The following ZSWIM8 variants were observed in gnomAD, a reference collection of about 807,000 sequenced individuals.
ZSWIM8 encodes the protein zinc finger SWIM domain-containing protein 8.
Under a neutral mutation model 173.7 loss-of-function variants are expected in ZSWIM8, and 27 were observed. That is an observed-to-expected ratio of 0.16 (90% CI 0.11 to 0.21). The LOEUF (loss-of-function observed/expected upper bound fraction) is 0.21. Among genes scored for constraint, ZSWIM8 ranks in the 10% least tolerant of loss-of-function variants. The pLI, the probability that ZSWIM8 is intolerant of heterozygous loss-of-function variation, is 1.00. For synonymous variants in ZSWIM8, 958 were observed against 962.0 expected, an observed-to-expected ratio of 1.00 and a Z score of 0.08; for missense variants, 1,627 against 2,428.8, an observed-to-expected ratio of 0.67 and a Z score of 6.94.
rs767495122 is a variant in ZSWIM8, at chr10:73,785,844, C to CG, written c.-27dup. 1.1e-3 allele frequency: 1,515 copies of CG among 1,427,226 alleles called. No individual in the cohort carries two copies. The highest frequency in any genetic ancestry group is 3.3e-3 in the Admixed American group (127 of 38,614). The allele number at this position is 1,427,226 out of a possible 1,614,324, so 88.4% of individuals were successfully genotyped here. A position where few individuals can be genotyped will look rare whatever the true frequency, so the allele number is the denominator to read the frequency against. On this transcript the variant is annotated 5_prime_UTR_variant, in exon 1 of 26. Coordinates refer to ENST00000604729, the MANE Select transcript of ZSWIM8 (RefSeq NM_001367799.1). ...GCCGGCGGCCCAGGCCCCGGATCCG[C>CG]GGGGGGGGACCCGGCCCCGGGGGGT...
At chr10:73,787,948 G>A (rs2083283520) in intron 1 of ZSWIM8, among the ~76,000 whole-genome samples, 1 of 152,156 alleles carries the variant, frequency 6.6e-6, no homozygotes, top group Admixed American at 6.5e-5. Flanking sequence ...CTATTAATGT[G>A]ACTAGCAATT....
At position 73,797,625 on chromosome 10, in the gene ZSWIM8, C is replaced by G. The variant is rs754016807; in HGVS notation, c.3662+20C>G. On this transcript the variant is annotated intron_variant, in intron 18 of 25. Coordinates refer to ENST00000604729, the MANE Select transcript of ZSWIM8 (RefSeq NM_001367799.1). The surrounding 1 kb of genome is among the most constrained non-coding windows in gnomAD (Gnocchi z 5.6). ...TGGCAGGTCAGTGGGAAGAACTCCC[C>G]ATCTTCCCTGATCTGGCCCACCCTC... 6.2e-7 allele frequency: 1 copy of G among 1,611,398 alleles called. No homozygotes were observed. Among genetic ancestry groups the G allele is most frequent in the East Asian group, 2.2e-5 (1 of 44,856 alleles).
chr10:73,792,396 C>G lies in ZSWIM8; in HGVS notation c.1857C>G (p.Ala619=), dbSNP rs569453975. Residue 619 remains alanine, a synonymous_variant, in exon 10 of 26, where the codon GCC becomes GCG. Transcript: ENST00000604729. This position sits in a 1 kb window ranked among gnomAD's most constrained non-coding sequence, Gnocchi z 4.3. The part of the protein sequence containing the change: ...SEDSSLEPDL[A]EMSLDDSSLA... Reference sequence around the variant, plus strand: ...ACAGCTCCCTGGAGCCAGACCTGGCCGAGATGAGCCTGGATGACAGCAGCC... The same window carrying G: ...ACAGCTCCCTGGAGCCAGACCTGGCGGAGATGAGCCTGGATGACAGCAGCC... The G allele has an allele frequency of 1.9e-6, 3 of 1,604,878 alleles. No homozygotes were observed. Among genetic ancestry groups the G allele is most frequent in the African/African-American group, 1.3e-5 (1 of 74,818 alleles).
Position 73,793,880 on chromosome 10 carries a change from G to A in ZSWIM8, c.2461G>A (p.Val821Ile). ...CCCTTTCTAGGGCAAGAAGAACAAGGTATCCACGAGCCGTCAGACCTGGGT... is the reference window on the plus strand; with the variant it reads ...CCCTTTCTAGGGCAAGAAGAACAAGATATCCACGAGCCGTCAGACCTGGGT... ...PPPAKGKKNKVSTSRQTWVAT... is the reference protein window; with the variant it reads ...PPPAKGKKNKISTSRQTWVAT... Residue 821 changes from valine to isoleucine, a missense_variant, in exon 12 of 26, where the codon GTA (valine) becomes ATA (isoleucine). By Grantham distance (29) the Val-to-Ile change is conservative. Transcript: ENST00000604729. 2 of 1,609,296 alleles carry A rather than the reference G, an allele frequency of 1.2e-6. No individual in the cohort carries two copies. Among genetic ancestry groups the A allele is most frequent in the African/African-American group, 1.3e-5 (1 of 74,904 alleles).
Position 73,789,052 on chromosome 10 carries a change from GGTT to G in ZSWIM8, c.363-43_363-41del. On this transcript the variant is annotated intron_variant, in intron 2 of 25. Coordinates refer to ENST00000604729, the MANE Select transcript of ZSWIM8 (RefSeq NM_001367799.1). The surrounding 1 kb of genome is among the most constrained non-coding windows in gnomAD (Gnocchi z 6.8). ...GTGGTCTCTGACAGGGTCTGCCAAA[GGTT>G]ATTTGCTGAGTTGTGGCTGTGTCCT... The G allele has an allele frequency of 6.2e-7, 1 of 1,601,958 alleles. No homozygotes were observed. The highest frequency in any genetic ancestry group is 8.5e-7 in the Non-Finnish European group (1 of 1,171,402).
At chr10:73,793,181 T>C (rs1282247170) in intron 10 of ZSWIM8, among the ~76,000 whole-genome samples, 6 of 152,222 alleles carry the variant, frequency 3.9e-5, no homozygotes, top group Non-Finnish European at 8.8e-5. Context: ...CTCTGTCCTT[T>C]GCACTCCAGT....
chr10:73,800,789 C>A lies in ZSWIM8; in HGVS notation c.5122+30C>A, dbSNP rs749764706. On this transcript the variant is annotated intron_variant, in intron 24 of 25. Transcript: ENST00000604729. The surrounding 1 kb of genome is among the most constrained non-coding windows in gnomAD (Gnocchi z 4.1). ...CACCTCCCCTCCCTAGGACCATTGCCCCCCCCCCACCTGCTCTCCCCACCT... is the reference window on the plus strand; with the variant it reads ...CACCTCCCCTCCCTAGGACCATTGCACCCCCCCCACCTGCTCTCCCCACCT... 12 of 1,476,544 alleles carry A rather than the reference C, an allele frequency of 8.1e-6. 1 individual carries two copies. The Admixed American group carries it at 1.2e-4, about 14-fold the overall frequency. 91.5% of individuals were successfully genotyped at this position (1,476,544 alleles called of 1,614,324 possible).
chr10:73,795,462 G>A lies in ZSWIM8; in HGVS notation c.2909-77G>A, dbSNP rs1041873104. The A allele has an allele frequency of 3.8e-6, 6 of 1,586,280 alleles. No individual in the cohort carries two copies. The African/African-American group carries it at 8.1e-5, about 21-fold the overall frequency. On this transcript the variant is annotated intron_variant, in intron 14 of 25. Coordinates refer to ENST00000604729, the MANE Select transcript of ZSWIM8 (RefSeq NM_001367799.1). ...CCTTACTTCATATGCTGATGGCTTGGGAACCCTGGCCTCTTACCTTTGCTG... is the reference window on the plus strand; with the variant it reads ...CCTTACTTCATATGCTGATGGCTTGAGAACCCTGGCCTCTTACCTTTGCTG...
At chr10:73,798,850 A>C (rs1439001214) in intron 20 of ZSWIM8, among the ~76,000 whole-genome samples, 152 bp from the exon 21 acceptor site, 1 of 152,032 alleles carries the variant, frequency 6.6e-6, no homozygotes, top group Non-Finnish European at 1.5e-5. Flanking sequence ...TGAAGCACTC[A>C]CTGCTCTGAT....
chr10:73,788,919 C>T (rs1336099065), intron 2 of ZSWIM8, 96 bp downstream of exon 2: 3 of 1,532,220 alleles, frequency 2.0e-6, no homozygotes, highest in Non-Finnish European at 1.8e-6. Context: ...GTATTTGGGG[C>T]AGTGGTAAGA....
Position 73,798,471 on chromosome 10 carries a change from C to G in ZSWIM8, c.4176+18C>G. On this transcript the variant is annotated intron_variant, in intron 20 of 25. Coordinates refer to ENST00000604729, the MANE Select transcript of ZSWIM8 (RefSeq NM_001367799.1). The stretch of plus-strand genomic sequence containing the variant: ...AGGAACAGGTATTTCTACGGGCAAT[C>G]TGGGAACCTCTTCTGGGGCATCTGG... 6.2e-7 allele frequency: 1 copy of G among 1,605,290 alleles called. No individual in the cohort carries two copies. The highest frequency in any genetic ancestry group is 8.5e-7 in the Non-Finnish European group (1 of 1,173,746).
rs1351325123 is a variant in ZSWIM8, at chr10:73,797,363, C to T, written c.3434-14C>T. 3 of 1,613,548 alleles carry T rather than the reference C, an allele frequency of 1.9e-6. No homozygotes were observed. The highest frequency in any genetic ancestry group is 1.1e-5 in the South Asian group (1 of 91,076). On this transcript the variant is annotated splice_polypyrimidine_tract_variant and intron_variant, in intron 17 of 25. Transcript: ENST00000604729. This position sits in a 1 kb window ranked among gnomAD's most constrained non-coding sequence, Gnocchi z 5.6. ...GACTCCTGACTTCTGAGACTGACTTCTCTTGGGGGTTAGGCATGGCCAGCA... is the reference window on the plus strand; with the variant it reads ...GACTCCTGACTTCTGAGACTGACTTTTCTTGGGGGTTAGGCATGGCCAGCA...
intron 14 of ZSWIM8, 142 bp from the exon 15 acceptor site, chr10:73,795,397 G>A (rs754646042): frequency 2.0e-5 from 26 of 1,311,984 alleles, no homozygotes; most frequent in African/African-American, 1.8e-4. Flanking sequence ...AATAGTCAAC[G>A]AAGACTTCTA....
chr10:73,795,706 C>T lies in ZSWIM8; in HGVS notation c.3033+43C>T, dbSNP rs112950086. 4.0e-4 allele frequency: 635 copies of T among 1,584,434 alleles called. 1 individual carries two copies. Among genetic ancestry groups the T allele is most frequent in the Admixed American group, 8.3e-4 (48 of 57,608 alleles). On this transcript the variant is annotated intron_variant, in intron 15 of 25. Transcript: ENST00000604729. ...GGTGCGGTGGCTCATGCCTGTAATCCCAGCAGTTTGGGAGGCAGAGGCGGG... is the reference window on the plus strand; with the variant it reads ...GGTGCGGTGGCTCATGCCTGTAATCTCAGCAGTTTGGGAGGCAGAGGCGGG...
intron 15 of ZSWIM8, 69 bp from the exon 16 acceptor site, chr10:73,796,705 T>C: frequency 1.3e-6 from 2 of 1,581,812 alleles, no homozygotes; most frequent in South Asian, 1.1e-5. Flanking sequence ...GAAAGGAAGG[T>C]AATAGAAGTC....
intron 1 of ZSWIM8, among the ~76,000 whole-genome samples, chr10:73,788,133 G>A (rs184236355): frequency 4.6e-5 from 7 of 151,840 alleles, no homozygotes; most frequent in African/African-American, 1.7e-4. Flanking sequence ...ATTTAGGCGC[G>A]CCAAAAGTGG....
At position 73,794,063 on chromosome 10, in the gene ZSWIM8, G is replaced by A; in HGVS notation, c.2625+19G>A. 6 of 1,611,816 alleles carry A rather than the reference G, an allele frequency of 3.7e-6. No homozygotes were observed. The highest frequency in any genetic ancestry group is 5.1e-6 in the Non-Finnish European group (6 of 1,178,906). Reference sequence around the variant, plus strand: ...CTTGGAGGTCAGAGGCTCCATCTCAGCCTTGTATTTCAGTCTCTTTAGAGC... The same window carrying A: ...CTTGGAGGTCAGAGGCTCCATCTCAACCTTGTATTTCAGTCTCTTTAGAGC... On this transcript the variant is annotated intron_variant, in intron 12 of 25. Coordinates refer to ENST00000604729, the MANE Select transcript of ZSWIM8 (RefSeq NM_001367799.1).
At position 73,792,859 on chromosome 10, in the gene ZSWIM8, G is replaced by A. The variant is rs1193492987; in HGVS notation, c.2313+7G>A. 3.9e-6 allele frequency: 6 copies of A among 1,537,364 alleles called. No individual in the cohort carries two copies. The highest frequency in any genetic ancestry group is 4.4e-6 in the Non-Finnish European group (5 of 1,146,712). On this transcript the variant is annotated splice_region_variant and intron_variant, in intron 10 of 25. Coordinates refer to ENST00000604729, the MANE Select transcript of ZSWIM8 (RefSeq NM_001367799.1). This position sits in a 1 kb window ranked among gnomAD's most constrained non-coding sequence, Gnocchi z 4.3. Reference sequence around the variant, plus strand: ...ACAGGAGAGTCGCATGGAGGTGAGGGGATGGAAGGAGGGAGGGCTGGGTGC... The same window carrying A: ...ACAGGAGAGTCGCATGGAGGTGAGGAGATGGAAGGAGGGAGGGCTGGGTGC...
chr10:73,791,605 G>A lies in ZSWIM8; in HGVS notation c.1319+106G>A, dbSNP rs553011274. ...GAGACATACCATGATTTTAGTCCTCGGGAAACGGGAGGTGCTGAGCACTGG... is the reference window on the plus strand; with the variant it reads ...GAGACATACCATGATTTTAGTCCTCAGGAAACGGGAGGTGCTGAGCACTGG... On this transcript the variant is annotated intron_variant, in intron 9 of 25. Transcript: ENST00000604729. This position sits in a 1 kb window ranked among gnomAD's most constrained non-coding sequence, Gnocchi z 6.0. The A allele has an allele frequency of 7.6e-7, 1 of 1,322,894 alleles. No homozygotes were observed. Among genetic ancestry groups the A allele is most frequent in the Admixed American group, 2.8e-5 (1 of 35,536 alleles). The allele number at this position is 1,322,894 out of a possible 1,614,324, so 81.9% of individuals were successfully genotyped here. A position where few individuals can be genotyped will look rare whatever the true frequency, so the allele number is the denominator to read the frequency against.
Sources: allele counts gnomAD v4.1 joint callset (sites outside exome capture counted in the v4.1 genomes callset), GRCh38; gene constraint gnomAD v4.1.1; non-coding constraint Gnocchi (gnomAD v3.1); transcripts MANE v1.5; gene names NCBI Gene and HGNC (gene_info 2026-07-23, HGNC 2026-07-21).